DAB1: variants seen among roughly 807,000 people sequenced by gnomAD.
DAB1 encodes DAB adaptor protein 1.
Under a neutral mutation model 64.6 loss-of-function variants are expected in DAB1, and 15 were observed. That is an observed-to-expected ratio of 0.23 (90% CI 0.16 to 0.36). The LOEUF (loss-of-function observed/expected upper bound fraction) is 0.36. Ranked by LOEUF, DAB1 falls within the 10% of genes least tolerant of loss-of-function variation. The pLI is 1.00. For synonymous variants in DAB1, 235 were observed against 251.9 expected, an observed-to-expected ratio of 0.93 and a Z score of 0.64; for missense variants, 596 against 706.7, an observed-to-expected ratio of 0.84 and a Z score of 1.78.
intron 5 of DAB1, among the ~76,000 whole-genome samples, chr1:58,009,731 G>A (rs1026814072): frequency 6.6e-6 from 1 of 152,152 alleles, no homozygotes; most frequent in African/African-American, 2.4e-5. Flanking sequence ...CACCACCATA[G>A]TGGAATATTT....
At chr1:57,061,605 C>T (rs1650404323) in intron 9 of DAB1, among the ~76,000 whole-genome samples, 1 of 152,226 alleles carries the variant, frequency 6.6e-6, no homozygotes. Context: ...GTGCCACCCA[C>T]TGGTCTCAGT....
At chr1:58,145,319 C>A (rs1315727057) in intron 5 of DAB1, among the ~76,000 whole-genome samples, 1 of 152,184 alleles carries the variant, frequency 6.6e-6, no homozygotes. Flanking sequence ...TTGGAACTCC[C>A]AGAGAGTTTT....
intron 5 of DAB1, among the ~76,000 whole-genome samples, chr1:57,900,429 C>T (rs545110277): frequency 4.6e-5 from 7 of 152,266 alleles, no homozygotes; most frequent in Middle Eastern, 3.4e-3. Context: ...GTCAGCCTAA[C>T]GAGAATGAGG....
At chr1:57,451,970 C>G (rs994483188) in intron 7 of DAB1, among the ~76,000 whole-genome samples, 1 of 152,020 alleles carries the variant, frequency 6.6e-6, no homozygotes. Flanking sequence ...ATTTACAAAG[C>G]CACTTTTTCA....
At chr1:57,432,062 C>T (rs1489509937) in intron 7 of DAB1, among the ~76,000 whole-genome samples, 1 of 148,360 alleles carries the variant, frequency 6.7e-6, no homozygotes, top group Non-Finnish European at 1.5e-5. Flanking sequence ...GCGGAGGTTG[C>T]AGTGAGCTGA....
intron 1 of DAB1, among the ~76,000 whole-genome samples, chr1:57,408,575 C>G (rs1420301570): frequency 6.6e-6 from 1 of 152,130 alleles, no homozygotes; most frequent in Admixed American, 6.5e-5. Flanking sequence ...TGCTGCCCTA[C>G]TCCCTGGGCA....
chr1:58,487,079 T>TTGAGGTGAAACGTGACATCG (rs1645588976), intron 3 of DAB1, among the ~76,000 whole-genome samples: 1 of 152,118 alleles, frequency 6.6e-6, no homozygotes, highest in African/African-American at 2.4e-5. Context: ...TTGTTAGGAG[T>TTGAGGTGAAACGTGACATCG]TGAGGTGAAA....
At chr1:57,727,048 G>A (rs1357490375) in intron 6 of DAB1, among the ~76,000 whole-genome samples, 1 of 152,208 alleles carries the variant, frequency 6.6e-6, no homozygotes, top group South Asian at 2.1e-4. Flanking sequence ...GAGCAAGAAT[G>A]ATGGCGAGAA....
chr1:57,571,309 G>A (rs1645191364), intron 7 of DAB1, among the ~76,000 whole-genome samples: 1 of 152,102 alleles, frequency 6.6e-6, no homozygotes, highest in African/African-American at 2.4e-5. Context: ...AATAGTATGA[G>A]AAGAATCTTA....
intron 5 of DAB1, among the ~76,000 whole-genome samples, chr1:58,096,043 A>G (rs955577427): frequency 6.6e-6 from 1 of 152,098 alleles, no homozygotes; most frequent in Non-Finnish European, 1.5e-5. Flanking sequence ...TGTATTTGCG[A>G]CCCTAACCCT....
chr1:58,325,144 C>T lies in DAB1; in HGVS notation n.309+18208G>A, dbSNP rs182865765. The stretch of plus-strand genomic sequence containing the variant: ...CTGATTGGACAACTGAATCCTGGGG[C>T]CCAGGTGATAAACCCCAAGCCTAAA... On this transcript the variant is annotated intron_variant and non_coding_transcript_variant, in intron 4 of 20. Coordinates refer to the DAB1 transcript ENST00000485760. Among the ~76,000 whole-genome samples the T allele has an allele frequency of 2.0e-5, 3 of 152,242 alleles. No homozygotes were observed. In the East Asian group the frequency reaches 5.8e-4, roughly 29 times the overall value.
chr1:57,752,852 A>G (rs1239123447), intron 6 of DAB1, among the ~76,000 whole-genome samples: 1 of 152,234 alleles, frequency 6.6e-6, no homozygotes, highest in Non-Finnish European at 1.5e-5. Flanking sequence ...GAGTGGCCAC[A>G]TGCCTGACAC....
chr1:57,455,978 A>T (rs1473037576), intron 7 of DAB1, among the ~76,000 whole-genome samples: 1 of 152,206 alleles, frequency 6.6e-6, no homozygotes, highest in African/African-American at 2.4e-5. Context: ...TTTACTCAAT[A>T]AACATTTATT....
intron 5 of DAB1, among the ~76,000 whole-genome samples, chr1:57,945,585 T>C (rs1018235595): frequency 6.6e-6 from 1 of 152,150 alleles, no homozygotes; most frequent in African/African-American, 2.4e-5. Flanking sequence ...TGGCCTGTTT[T>C]ATTATTAATA....
chr1:58,453,954 T>C (rs1645165062), intron 3 of DAB1, among the ~76,000 whole-genome samples: 1 of 151,986 alleles, frequency 6.6e-6, no homozygotes, highest in Non-Finnish European at 1.5e-5. Flanking sequence ...CACACCTGCT[T>C]TCTCCTGCTT....
At chr1:57,980,838 C>T (rs1646047291) in intron 5 of DAB1, among the ~76,000 whole-genome samples, 1 of 151,880 alleles carries the variant, frequency 6.6e-6, no homozygotes, top group Non-Finnish European at 1.5e-5. Context: ...CATTCCTTTT[C>T]TGTAAATCTG....
At chr1:57,235,055 C>T (rs572522845) in intron 2 of DAB1, among the ~76,000 whole-genome samples, 1 of 152,316 alleles carries the variant, frequency 6.6e-6, no homozygotes, top group African/African-American at 2.4e-5. Context: ...TGCCCTGTAA[C>T]ATAACGTGAT....
chr1:57,900,753 C>A, intron 5 of DAB1, among the ~76,000 whole-genome samples: 1 of 152,156 alleles, frequency 6.6e-6, no homozygotes, highest in East Asian at 1.9e-4. Context: ...TCCTTCAGGC[C>A]TTCTCTGACT....
chr1:57,108,036 C>T (rs1243713257), intron 4 of DAB1, among the ~76,000 whole-genome samples: 1 of 152,110 alleles, frequency 6.6e-6, no homozygotes, highest in South Asian at 2.1e-4. Context: ...CCCTGAGGCC[C>T]TGCTATTCAG....
Sources: allele counts gnomAD v4.1 joint callset (sites outside exome capture counted in the v4.1 genomes callset), GRCh38; gene constraint gnomAD v4.1.1; transcripts MANE v1.5; gene names NCBI Gene and HGNC (gene_info 2026-07-23, HGNC 2026-07-21).